KLHL12: variants seen among roughly 807,000 people sequenced by gnomAD.
KLHL12 encodes kelch like family member 12.
Under a neutral mutation model 60.8 loss-of-function variants are expected in KLHL12, and 17 were observed. The ratio of observed to expected loss-of-function variants is 0.28; its 90% CI spans 0.19 to 0.42. The LOEUF (loss-of-function observed/expected upper bound fraction) is 0.42. Among genes scored for constraint, KLHL12 ranks in the 10% least tolerant of loss-of-function variants. The pLI is 1.00. For missense variants in KLHL12, 468 were observed against 722.3 expected, an observed-to-expected ratio of 0.65 and a Z score of 4.04; for synonymous variants, 220 against 250.9, an observed-to-expected ratio of 0.88 and a Z score of 1.16.
rs772507937 is a variant in KLHL12 at position 202,892,592 on chromosome 1, C to T, written c.1648G>A (p.Val550Met). The change falls in exon 12 of 12, where the codon GTG becomes ATG. Residue 550 changes from valine to methionine, a missense_variant. Physicochemically the swap from Val to Met is conservative, Grantham distance 21. Coordinates refer to ENST00000367261, the MANE Select transcript of KLHL12 (RefSeq NM_021633.4). ...CAGCGCTGGGTTCCCATGGATGTCA[C>T]GACTTCCCAGCTGTCGATGATAGGG... ...YDPIIDSWEVVTSMGTQRCDA... is the reference protein window; with the variant it reads ...YDPIIDSWEVMTSMGTQRCDA... The T allele has an allele frequency of 8.7e-6, 14 of 1,613,956 alleles. No homozygotes were observed. The highest frequency in any genetic ancestry group is 1.3e-5 in the African/African-American group (1 of 74,898).
intron 6 of KLHL12, among the ~76,000 whole-genome samples, chr1:202,907,977 A>G (rs1660246616): frequency 6.6e-6 from 1 of 152,192 alleles, no homozygotes; most frequent in Admixed American, 6.5e-5. Context: ...CAGCTTAATT[A>G]TCAACTAACA....
rs116873550 is a variant in KLHL12, at chr1:202,917,871, G to A, written c.567+300C>T. On this transcript the variant is annotated intron_variant, in intron 4 of 11. Transcript: ENST00000367261. The stretch of plus-strand genomic sequence containing the variant: ...TATTCTCAATAAATGTTTGTGAAAT[G>A]AGTGAACGGGTAATAGAGAAGTGGT... 2.5e-3 allele frequency among the ~76,000 whole-genome samples: 388 copies of A among 152,326 alleles called. 2 individuals carry two copies. The East Asian group carries it at 0.039, about 15-fold the overall frequency.
At chr1:202,901,353 C>A (rs1660001638) in intron 6 of KLHL12, among the ~76,000 whole-genome samples, 1 of 151,968 alleles carries the variant, frequency 6.6e-6, no homozygotes, top group Non-Finnish European at 1.5e-5. Flanking sequence ...ACAGCATCGA[C>A]CTCCCAGGCT....
chr1:202,914,254 C>A (rs928590049), intron 4 of KLHL12, among the ~76,000 whole-genome samples: 1 of 152,072 alleles, frequency 6.6e-6, no homozygotes, highest in Admixed American at 6.5e-5. Context: ...GTTTAAAGGG[C>A]CAAGAGCTAG....
chr1:202,914,684 G>T (rs1423276098), intron 4 of KLHL12, among the ~76,000 whole-genome samples: 5 of 152,006 alleles, frequency 3.3e-5, no homozygotes, highest in Non-Finnish European at 7.4e-5. Context: ...TGGCCAAGAT[G>T]GTGAAACCCA....
upstream of KLHL12, among the ~76,000 whole-genome samples, chr1:202,928,155 G>A (rs1653707747): frequency 6.7e-6 from 1 of 149,032 alleles, no homozygotes; most frequent in African/African-American, 2.5e-5. Context: ...GGCGCCAGTA[G>A]TCCCAGCTAC....
chr1:202,900,889 A>C (rs529002768), intron 6 of KLHL12, among the ~76,000 whole-genome samples: 1 of 136,836 alleles, frequency 7.3e-6, no homozygotes, highest in African/African-American at 2.6e-5. Context: ...AAATACAAAC[A>C]CAAAAATTAG....
intron 6 of KLHL12, among the ~76,000 whole-genome samples, chr1:202,897,823 G>A (rs577593563): frequency 1.3e-5 from 2 of 148,782 alleles, no homozygotes; most frequent in South Asian, 4.3e-4. Context: ...TCCTGCCTCA[G>A]CCTCCCAAAG....
At chr1:202,905,851 C>T (rs573238090) in intron 6 of KLHL12, among the ~76,000 whole-genome samples, 2 of 151,344 alleles carry the variant, frequency 1.3e-5, no homozygotes, top group Admixed American at 1.3e-4. Context: ...GTCGCCCAGG[C>T]TGGAGTGCAG....
chr1:202,927,977 C>T (rs112710040), upstream of KLHL12, among the ~76,000 whole-genome samples: 1,319 of 77,546 alleles, frequency 0.017, 24 homozygotes, highest in African/African-American at 0.062. Flanking sequence ...GAGACTCTGT[C>T]TCTTAAAAAA....
At chr1:202,920,445 C>T (rs948795833) in intron 2 of KLHL12, among the ~76,000 whole-genome samples, 6 of 121,918 alleles carry the variant, frequency 4.9e-5, no homozygotes, top group South Asian at 2.7e-4. Flanking sequence ...GGTGCCATCT[C>T]GGCTCACTGC....
intron 2 of KLHL12, among the ~76,000 whole-genome samples, chr1:202,920,739 G>T (rs1189444349): frequency 1.3e-5 from 2 of 152,106 alleles, no homozygotes; most frequent in East Asian, 3.9e-4. Context: ...AATGAAGTAG[G>T]TAGTTATCTA....
At position 202,914,220 on chromosome 1, in the gene KLHL12, A is replaced by T. The variant is rs190964368; in HGVS notation, c.568-3017T>A. On this transcript the variant is annotated intron_variant, in intron 4 of 11. Coordinates refer to ENST00000367261, the MANE Select transcript of KLHL12 (RefSeq NM_021633.4). ...ATCATATTGATGTTTTGTAAAGATT[A>T]TCCTGGCTACTGTGGGTAGAACAGT... 4.4e-3 allele frequency among the ~76,000 whole-genome samples: 663 copies of T among 152,328 alleles called. 4 individuals are homozygous for T. Among genetic ancestry groups the T allele is most frequent in the African/African-American group, 0.015 (625 of 41,592 alleles).
chr1:202,911,513 G>A (rs996423293), intron 4 of KLHL12, among the ~76,000 whole-genome samples: 1 of 151,332 alleles, frequency 6.6e-6, no homozygotes, highest in Non-Finnish European at 1.5e-5. Flanking sequence ...CACCAGTCAC[G>A]TATTGGCCTT....
chr1:202,900,954 G>A (rs995229986), intron 6 of KLHL12, among the ~76,000 whole-genome samples: 9 of 152,206 alleles, frequency 5.9e-5, no homozygotes, highest in African/African-American at 2.2e-4. Flanking sequence ...GCTGAGGCAG[G>A]AGAATCACTT....
At position 202,919,918 on chromosome 1, in the gene KLHL12, CA is replaced by C. The variant is rs751780981; in HGVS notation, c.196-11del. The C allele has an allele frequency of 6.2e-7, 1 of 1,610,666 alleles. No individual in the cohort carries two copies. Among genetic ancestry groups the C allele is most frequent in the Non-Finnish European group, 8.5e-7 (1 of 1,177,494 alleles). On this transcript the variant is annotated splice_polypyrimidine_tract_variant and intron_variant, in intron 2 of 11. Transcript: ENST00000367261. The stretch of plus-strand genomic sequence containing the variant: ...TCCCCTTCTCTGAGAGCTGAAAATT[CA>C]AAAGGTATAAAAGAATGATGGTTAT...
intron 6 of KLHL12, among the ~76,000 whole-genome samples, chr1:202,902,739 T>A (rs1303313800): frequency 6.6e-6 from 1 of 151,934 alleles, no homozygotes; most frequent in Non-Finnish European, 1.5e-5. Flanking sequence ...CCTGTAACCC[T>A]AGCACTTTGG....
At chr1:202,915,703 G>GCCC (rs1353753768) in intron 4 of KLHL12, among the ~76,000 whole-genome samples, 1 of 152,176 alleles carries the variant, frequency 6.6e-6, no homozygotes, top group African/African-American at 2.4e-5. Flanking sequence ...CAGACTACTC[G>GCCC]AATTTGAAAC....
Position 202,896,855 on chromosome 1 carries a change from G to A in KLHL12, c.938C>T (p.Pro313Leu). Residue 313 changes from proline to leucine, a missense_variant and splice_region_variant, in exon 7 of 12, where the codon CCA (proline) becomes CTA (leucine). Physicochemically the swap from Pro to Leu is moderately conservative, Grantham distance 98 (BLOSUM62 -3). This residue lies in a region of KLHL12 where 339 missense variants were observed against 525.0 expected (regional missense o/e 0.65). Transcript: ENST00000367261. Reference sequence around the variant, plus strand: ...ACGAATGGTTTCACCATTATTTACTGGCAAAAAGCTCCACTCCTGAGTCTT... The same window carrying A: ...ACGAATGGTTTCACCATTATTTACTAGCAAAAAGCTCCACTCCTGAGTCTT... Reference protein sequence around the residue: ...DPKTQEWSFLPSITRKRRYVA... With the variant: ...DPKTQEWSFLLSITRKRRYVA... 6.2e-7 allele frequency: 1 copy of A among 1,610,452 alleles called. No homozygotes were observed. Among genetic ancestry groups the A allele is most frequent in the East Asian group, 2.2e-5 (1 of 44,872 alleles).
Sources: allele counts gnomAD v4.1 joint callset (sites outside exome capture counted in the v4.1 genomes callset), GRCh38; gene constraint gnomAD v4.1.1; regional missense constraint gnomAD v4.1.1; transcripts MANE v1.5; gene names NCBI Gene and HGNC (gene_info 2026-07-23, HGNC 2026-07-21).